Variants in PKM observed in about 807,000 individuals in gnomAD.
The protein encoded by PKM is pyruvate kinase M1/2.
Under a neutral mutation model 49.8 loss-of-function variants are expected in PKM, and 18 were observed. The observed-to-expected ratio is 0.36, with a 90% CI of 0.25 to 0.54. PKM has a LOEUF of 0.54. PKM is among the 20% of genes least tolerant of loss of function. PKM has a pLI of 0.89. For synonymous variants in PKM, 239 were observed against 261.8 expected, an observed-to-expected ratio of 0.91 and a Z score of 0.84; for missense variants, 508 against 713.8, an observed-to-expected ratio of 0.71 and a Z score of 3.28.
chr15:72,216,395 A>G (rs2082377751), intron 3 of PKM, among the ~76,000 whole-genome samples: 2 of 152,166 alleles, frequency 1.3e-5, no homozygotes, highest in South Asian at 4.1e-4. Context: ...AACATTTGAG[A>G]GAATCACTTG....
At position 72,208,672 on chromosome 15, in the gene PKM, C is replaced by T. The variant is rs1189191347; in HGVS notation, c.785G>A (p.Gly262Glu). 2 of 1,614,122 alleles carry T rather than the reference C, an allele frequency of 1.2e-6. No individual in the cohort carries two copies. Among genetic ancestry groups the T allele is most frequent in the Non-Finnish European group, 8.5e-7 (1 of 1,180,024 alleles). ...HEVRKVLGEK[G>E]KNIKIISKIE... ...TTTGCTGATAATCTTGATGTTCTTTCCCTTCTCTCCCAGGACCTTCCTAAC... is the reference window on the plus strand; with the variant it reads ...TTTGCTGATAATCTTGATGTTCTTTTCCTTCTCTCCCAGGACCTTCCTAAC... Residue 262 changes from glycine (G) to glutamate (E), a missense_variant, in exon 6 of 11, where the codon GGA becomes GAA. By Grantham distance (98) the Gly-to-Glu change is moderately conservative. Coordinates refer to ENST00000335181, the MANE Select transcript of PKM (RefSeq NM_002654.6).
At chr15:72,222,838 A>T (rs1424858012) in intron 1 of PKM, among the ~76,000 whole-genome samples, 1 of 152,126 alleles carries the variant, frequency 6.6e-6, no homozygotes, top group Non-Finnish European at 1.5e-5. Flanking sequence ...ACAGGTTGGA[A>T]CAGGCACAAT....
At chr15:72,221,181 G>A in intron 1 of PKM, 1 of 1,531,906 alleles carries the variant, frequency 6.5e-7, no homozygotes, top group Non-Finnish European at 8.7e-7. Flanking sequence ...TGGTTCTCTG[G>A]GGTTGGGCTT....
chr15:72,217,221 A>G (rs918052080), intron 3 of PKM, among the ~76,000 whole-genome samples, 188 bp downstream of exon 3: 9 of 152,134 alleles, frequency 5.9e-5, no homozygotes, highest in African/African-American at 2.2e-4. Flanking sequence ...GCTAAAAGAG[A>G]CTCAGCCAGT....
intron 1 of PKM, among the ~76,000 whole-genome samples, chr15:72,226,919 G>A (rs1207182445): frequency 8.5e-5 from 13 of 152,200 alleles, no homozygotes; most frequent in Admixed American, 7.9e-4. Context: ...GGGCTTCACC[G>A]CACTGCATGG....
intron 1 of PKM, among the ~76,000 whole-genome samples, chr15:72,226,516 C>T (rs1335063842): frequency 6.6e-6 from 1 of 151,862 alleles, no homozygotes; most frequent in Non-Finnish European, 1.5e-5. Flanking sequence ...GGTCATGGTG[C>T]GAGACTCCGT....
Position 72,200,806 on chromosome 15 carries a change from G to T in PKM, c.1308-151C>A. ...CTCCCTAGGACCCCTCCCGAGGCTC[G>T]GGCAGCCCCTCATCCTATATCCCCC... is the stretch of plus-strand genomic sequence containing the variant. On this transcript the variant is annotated intron_variant, in intron 9 of 10. Transcript: ENST00000335181. This position sits in a 1 kb window ranked among gnomAD's most constrained non-coding sequence, Gnocchi z 4.6. 5 of 644,454 alleles carry T rather than the reference G, an allele frequency of 7.8e-6. No individual in the cohort carries two copies. In the South Asian group the frequency reaches 9.8e-5, roughly 13 times the overall value. The allele number at this position is 644,454 out of a possible 1,614,324, so 39.9% of individuals were successfully genotyped here. A position where few individuals can be genotyped will look rare whatever the true frequency, so the allele number is the denominator to read the frequency against.
chr15:72,228,485 A>T, intron 1 of PKM: 1 of 415,224 alleles, frequency 2.4e-6, no homozygotes, highest in South Asian at 1.8e-5. Flanking sequence ...ATTTTTAATT[A>T]GGGGAAATGC....
At position 72,208,747 on chromosome 15, in the gene PKM, A is replaced by G; in HGVS notation, c.710T>C (p.Val237Ala). 1 of 1,614,188 alleles carries G rather than the reference A, an allele frequency of 6.2e-7. No homozygotes were observed. The highest frequency in any genetic ancestry group is 8.5e-7 in the Non-Finnish European group (1 of 1,180,040). The change falls in exon 6 of 11, where the codon GTT (valine) becomes GCT (alanine). Residue 237 changes from valine to alanine, a missense_variant. Physicochemically the swap from Val to Ala is moderately conservative, Grantham distance 64 (BLOSUM62 0). Coordinates refer to ENST00000335181, the MANE Select transcript of PKM (RefSeq NM_002654.6). The part of the protein sequence containing the change: ...QDLKFGVEQD[V>A]DMVFASFIRK... ...GATGAATGACGCAAACACCATATCAACATCCTGCTCGACCCCAAACTTCAG... is the reference window on the plus strand; with the variant it reads ...GATGAATGACGCAAACACCATATCAGCATCCTGCTCGACCCCAAACTTCAG...
chr15:72,224,910 AAT>A (rs2082622881), intron 1 of PKM, among the ~76,000 whole-genome samples: 2 of 135,108 alleles, frequency 1.5e-5, no homozygotes, highest in South Asian at 4.8e-4. Context: ...TATTTTCTTT[AAT>A]TTCTTTTTTC....
At chr15:72,212,386 A>C (rs1417242349) in intron 3 of PKM, among the ~76,000 whole-genome samples, 1 of 152,016 alleles carries the variant, frequency 6.6e-6, no homozygotes, top group Non-Finnish European at 1.5e-5. Context: ...GAGGCAAGAG[A>C]ACCACTTGAA....
chr15:72,207,030 C>T (rs780636213), intron 7 of PKM, 97 bp downstream of exon 7: 26 of 1,521,346 alleles, frequency 1.7e-5, no homozygotes, highest in Non-Finnish European at 2.2e-5. Context: ...GTGTTACGTG[C>T]GACAATTCCA....
chr15:72,230,948 G>A, intron 1 of PKM, 168 bp downstream of exon 1: 1 of 1,287,158 alleles, frequency 7.8e-7, no homozygotes, highest in South Asian at 1.2e-5. Context: ...CAGGCCCCAG[G>A]CGTGAGGAGC....
rs2082520970 is a variant in PKM, at chr15:72,221,454, T to TCCCTC, written c.-13-2349_-13-2345dup. Among the ~76,000 whole-genome samples, 5 of 151,960 alleles carry TCCCTC rather than the reference T, an allele frequency of 3.3e-5. No individual in the cohort carries two copies. The South Asian group carries it at 1.0e-3, about 32-fold the overall frequency. ...TCCACTATTCTATACAAGAACCTGG[T>TCCCTC]CCCTCCCCTTTTGGGAGCGGGGAAG... On this transcript the variant is annotated intron_variant, in intron 1 of 10. Coordinates refer to ENST00000335181, the MANE Select transcript of PKM (RefSeq NM_002654.6).
chr15:72,212,810 G>A (rs1013097696), intron 3 of PKM, among the ~76,000 whole-genome samples: 1 of 152,038 alleles, frequency 6.6e-6, no homozygotes, highest in East Asian at 1.9e-4. Context: ...AGTGGCTCAC[G>A]CCTGTAATCC....
intron 8 of PKM, among the ~76,000 whole-genome samples, chr15:72,206,024 G>C (rs577973246): frequency 9.2e-5 from 14 of 152,044 alleles, no homozygotes; most frequent in African/African-American, 3.1e-4. Flanking sequence ...GACTCCTCCA[G>C]ACGCTCAGTC....
At position 72,208,758 on chromosome 15, in the gene PKM, G is replaced by T; in HGVS notation, c.699C>A (p.Val233=). 6.2e-7 allele frequency: 1 copy of T among 1,614,044 alleles called. No homozygotes were observed. The highest frequency in any genetic ancestry group is 8.5e-7 in the Non-Finnish European group (1 of 1,180,024). The change falls in exon 6 of 11, where the codon GTC becomes GTA. Residue 233 remains valine, a synonymous_variant. Transcript: ENST00000335181. ...CAAACACCATATCAACATCCTGCTC[G>T]ACCCCAAACTTCAGATCCTGGATGT... is the stretch of plus-strand genomic sequence containing the variant. ...EKDIQDLKFG[V]EQDVDMVFAS...
At chr15:72,227,574 T>A (rs1169958790) in intron 1 of PKM, among the ~76,000 whole-genome samples, 1 of 151,798 alleles carries the variant, frequency 6.6e-6, no homozygotes, top group Non-Finnish European at 1.5e-5. Flanking sequence ...TGAAACCCCA[T>A]CTCTACTAAA....
At position 72,206,748 on chromosome 15, in the gene PKM, C is replaced by T; in HGVS notation, c.1120G>A (p.Ala374Thr). The part of the protein sequence containing the change: ...ETAKGDYPLE[A>T]VRMQHLIARE... ...CTCACCAGGTGCTGCATGCGCACAG[C>T]CTCCAGAGGATAGTCCCCTTTGGCT... The change falls in exon 8 of 11, where the codon GCT becomes ACT. Residue 374 changes from alanine (A) to threonine (T), a missense_variant. Coordinates refer to ENST00000335181, the MANE Select transcript of PKM (RefSeq NM_002654.6). 1 of 1,613,450 alleles carries T rather than the reference C, an allele frequency of 6.2e-7. No individual in the cohort carries two copies. The highest frequency in any genetic ancestry group is 8.5e-7 in the Non-Finnish European group (1 of 1,180,036).
Sources: gnomAD v4.1 joint callset for allele counts (sites outside exome capture counted in the v4.1 genomes callset) on GRCh38, gnomAD v4.1.1 for gene constraint, Gnocchi (gnomAD v3.1) non-coding constraint, MANE v1.5 for transcripts, NCBI Gene and HGNC (gene_info 2026-07-23, HGNC 2026-07-21) for gene names.